The following FSTL4 variants were observed in gnomAD, a reference collection of about 807,000 sequenced individuals.
FSTL4 encodes the protein follistatin-related protein 4.
Under a neutral mutation model 78.2 loss-of-function variants are expected in FSTL4, and 28 were observed. The observed-to-expected ratio is 0.36, with a 90% CI of 0.27 to 0.49. The LOEUF (loss-of-function observed/expected upper bound fraction) is 0.49. FSTL4 is among the 20% of genes least tolerant of loss of function. FSTL4 has a pLI of 0.98. For missense variants in FSTL4, 922 were observed against 1,084.9 expected, an observed-to-expected ratio of 0.85 and a Z score of 2.11; for synonymous variants, 422 against 440.5, an observed-to-expected ratio of 0.96 and a Z score of 0.53.
chr5:133,675,789 A>G, the FSTL4 span, among the ~76,000 whole-genome samples: 1 of 152,224 alleles, frequency 6.6e-6, no homozygotes, highest in African/African-American at 2.4e-5. Context: ...GGAAGAGCCT[A>G]CTAATTTCAC....
At chr5:133,785,907 C>T in the FSTL4 span, among the ~76,000 whole-genome samples, 3 of 152,312 alleles carry the variant, frequency 2.0e-5, no homozygotes, top group South Asian at 4.1e-4. Context: ...CTGGCAGATG[C>T]CAGCCCATTG....
chr5:133,555,413 G>A (rs1159860315), intron 3 of FSTL4, among the ~76,000 whole-genome samples: 2 of 152,162 alleles, frequency 1.3e-5, no homozygotes, highest in Non-Finnish European at 1.5e-5. Context: ...TTAGCTGTGT[G>A]ACCCGGGGCA....
chr5:133,493,886 T>C (rs1690694063), intron 3 of FSTL4, among the ~76,000 whole-genome samples: 1 of 152,216 alleles, frequency 6.6e-6, no homozygotes, highest in African/African-American at 2.4e-5. Context: ...CTGCCGGATA[T>C]TGAACCTTCT....
At chr5:133,676,171 A>G in the FSTL4 span, among the ~76,000 whole-genome samples, 3 of 152,222 alleles carry the variant, frequency 2.0e-5, no homozygotes, top group Admixed American at 6.5e-5. Context: ...TGCACATTAT[A>G]TTTGTTTTCT....
intron 4 of FSTL4, among the ~76,000 whole-genome samples, chr5:133,330,023 C>G (rs1561674671): frequency 6.6e-6 from 1 of 152,056 alleles, no homozygotes; most frequent in African/African-American, 2.4e-5. Context: ...TTGGAGAATC[C>G]CATCTCTAAA....
the FSTL4 span, among the ~76,000 whole-genome samples, chr5:133,749,386 G>T: frequency 6.6e-6 from 1 of 152,310 alleles, no homozygotes; most frequent in African/African-American, 2.4e-5. Flanking sequence ...CTATTATTTT[G>T]TATGAATCAG....
chr5:133,467,279 T>TGA (rs775726632), intron 3 of FSTL4, among the ~76,000 whole-genome samples: 4 of 151,716 alleles, frequency 2.6e-5, no homozygotes, highest in African/African-American at 7.3e-5. Context: ...TGTGTGTGTG[T>TGA]GTGAGTGTGT....
At chr5:133,631,976 C>T in the FSTL4 span, among the ~76,000 whole-genome samples, 11 of 151,180 alleles carry the variant, frequency 7.3e-5, no homozygotes, top group African/African-American at 2.4e-4. Context: ...GGGAGGGGAA[C>T]ATCACACACC....
At chr5:133,326,150 T>C (rs1173604338) in intron 4 of FSTL4, among the ~76,000 whole-genome samples, 3 of 152,232 alleles carry the variant, frequency 2.0e-5, no homozygotes, top group East Asian at 3.8e-4. Flanking sequence ...GAGGAACAGA[T>C]GTTTAACTTG....
chr5:133,231,567 G>A (rs1247047592), intron 8 of FSTL4, among the ~76,000 whole-genome samples: 1 of 152,030 alleles, frequency 6.6e-6, no homozygotes, highest in Admixed American at 6.6e-5. Flanking sequence ...CTTTGAGATA[G>A]AGTCTCCCTC....
At chr5:133,367,993 C>T (rs1755213299) in intron 4 of FSTL4, among the ~76,000 whole-genome samples, 1 of 152,252 alleles carries the variant, frequency 6.6e-6, no homozygotes, top group East Asian at 1.9e-4. Context: ...TTTGGTGGAA[C>T]CAGGAGACCA....
At chr5:133,685,465 G>A in the FSTL4 span, among the ~76,000 whole-genome samples, 1 of 152,254 alleles carries the variant, frequency 6.6e-6, no homozygotes, top group East Asian at 1.9e-4. Flanking sequence ...TGTGTCTACA[G>A]AGAGGAAAAC....
intron 3 of FSTL4, among the ~76,000 whole-genome samples, chr5:133,467,052 GTATA>G (rs901635675): frequency 1.3e-5 from 2 of 151,800 alleles, no homozygotes; most frequent in Admixed American, 1.3e-4. Flanking sequence ...GATTGTATGA[GTATA>G]TGTATGTATG....
At chr5:133,565,286 C>T (rs1180935602) in intron 3 of FSTL4, among the ~76,000 whole-genome samples, 1 of 152,158 alleles carries the variant, frequency 6.6e-6, no homozygotes, top group African/African-American at 2.4e-5. Context: ...TCTTTTTATA[C>T]TTGTACACTG....
At chr5:133,360,710 G>A (rs1755049733) in intron 4 of FSTL4, among the ~76,000 whole-genome samples, 1 of 152,002 alleles carries the variant, frequency 6.6e-6, no homozygotes, top group South Asian at 2.1e-4. Flanking sequence ...GCTCATAGAA[G>A]GGCTATGTTT....
At chr5:133,352,293 TA>T (rs1754843804) in intron 4 of FSTL4, among the ~76,000 whole-genome samples, 1 of 133,594 alleles carries the variant, frequency 7.5e-6, no homozygotes, top group Non-Finnish European at 1.6e-5. Flanking sequence ...CACATATATA[TA>T]CACACACATA....
chr5:133,332,969 T>C (rs942118394), intron 4 of FSTL4, among the ~76,000 whole-genome samples: 1 of 152,278 alleles, frequency 6.6e-6, no homozygotes, highest in Admixed American at 6.5e-5. Flanking sequence ...CACTGGAGAA[T>C]AGGTCCTTGC....
chr5:133,828,873 A>C, the FSTL4 span, among the ~76,000 whole-genome samples: 1 of 152,242 alleles, frequency 6.6e-6, no homozygotes, highest in Non-Finnish European at 1.5e-5. Context: ...TGCTTCACTA[A>C]ACAAAGAGCT....
intron 3 of FSTL4, among the ~76,000 whole-genome samples, chr5:133,492,681 T>G (rs953773054): frequency 6.6e-6 from 1 of 152,196 alleles, no homozygotes; most frequent in Non-Finnish European, 1.5e-5. Flanking sequence ...GTTCATGATT[T>G]GGAGTGCTGC....
Sources: allele counts gnomAD v4.1 joint callset (sites outside exome capture counted in the v4.1 genomes callset), GRCh38; gene constraint gnomAD v4.1.1; transcripts MANE v1.5; gene names NCBI Gene and HGNC (gene_info 2026-07-23, HGNC 2026-07-21).